UNC13C: variants seen among roughly 807,000 people sequenced by gnomAD.
UNC13C encodes the protein unc-13 homolog C, also known as protein unc-13 homolog C.
UNC13C carries 174 observed loss-of-function variants against 245.4 expected under a neutral mutation model. The observed-to-expected ratio is 0.71, with a 90% confidence interval of 0.63 to 0.80. The LOEUF (loss-of-function observed/expected upper bound fraction) is 0.80, where lower values mean the gene tolerates loss of function less well. UNC13C is among the 30% of genes least tolerant of loss of function. UNC13C has a pLI of 0.00. For synonymous variants in UNC13C, 992 were observed against 895.1 expected (o/e 1.11, Z -1.93); for missense variants, 2,829 against 2,602.9 (o/e 1.09, Z -1.89).
intron 25 of UNC13C, among the ~76,000 whole-genome samples, chr15:54,525,897 A>G (rs1012520215): frequency 2.0e-5 from 3 of 152,098 alleles, no homozygotes; most frequent in Admixed American, 6.5e-5. Context: ...TTACCTGTCT[A>G]TTTCCCACAC....
intron 2 of UNC13C, among the ~76,000 whole-genome samples, chr15:54,036,108 G>T (rs1259089767): frequency 6.6e-6 from 1 of 152,190 alleles, no homozygotes; most frequent in Admixed American, 6.5e-5. Context: ...GTCTCTGTCA[G>T]CCTTCAGTCT....
chr15:54,367,938 A>G (rs2039400819), intron 17 of UNC13C, among the ~76,000 whole-genome samples: 1 of 152,144 alleles, frequency 6.6e-6, no homozygotes, highest in African/African-American at 2.4e-5. Context: ...GCTAGTGGCT[A>G]CTGTATTGGA....
chr15:54,427,367 T>C (rs560310475), intron 19 of UNC13C, among the ~76,000 whole-genome samples: 3 of 151,806 alleles, frequency 2.0e-5, no homozygotes, highest in Non-Finnish European at 4.4e-5. Flanking sequence ...GCTTCCACCA[T>C]GTAAGAAGTG....
intron 30 of UNC13C, among the ~76,000 whole-genome samples, chr15:54,610,748 A>T (rs1900045339): frequency 6.6e-6 from 1 of 152,302 alleles, no homozygotes; most frequent in South Asian, 2.1e-4. Flanking sequence ...TAACTTACTC[A>T]AGGTCATCTA....
chr15:54,402,572 A>G (rs1043789331), intron 18 of UNC13C, among the ~76,000 whole-genome samples: 18 of 152,274 alleles, frequency 1.2e-4, no homozygotes, highest in East Asian at 9.7e-4. Flanking sequence ...TAATCATTAT[A>G]TAGGGAACCA....
chr15:54,126,301 A>T (rs1595885779), intron 2 of UNC13C, among the ~76,000 whole-genome samples: 1 of 152,196 alleles, frequency 6.6e-6, no homozygotes, highest in African/African-American at 2.4e-5. Context: ...GGCCATACAA[A>T]CATTAATCTA....
chr15:54,627,146 ATTGT>A lies in UNC13C; in HGVS notation c.*37_*40del, dbSNP rs1566948339. 4 of 1,571,558 alleles carry A rather than the reference ATTGT, an allele frequency of 2.5e-6. No individual in the cohort carries two copies. The highest frequency in any genetic ancestry group is 4.5e-5 in the East Asian group (2 of 44,446). ...ACTGCAAGCTAAATACATAACTATA[ATTGT>A]TTGACTACTGCATGCATGTGCAAAT... On this transcript the variant is annotated 3_prime_UTR_variant, in exon 33 of 33. Coordinates refer to ENST00000260323, the MANE Select transcript of UNC13C (RefSeq NM_001080534.3).
At chr15:54,391,929 C>G (rs979239559) in intron 17 of UNC13C, among the ~76,000 whole-genome samples, 1 of 152,016 alleles carries the variant, frequency 6.6e-6, no homozygotes, top group South Asian at 2.1e-4. Context: ...ACCATTCAGC[C>G]GAGAGGGTGG....
At chr15:54,121,107 G>A (rs2030636580) in intron 2 of UNC13C, among the ~76,000 whole-genome samples, 1 of 152,120 alleles carries the variant, frequency 6.6e-6, no homozygotes, top group African/African-American at 2.4e-5. Context: ...TCCTGCTGTG[G>A]GTGAAATGCT....
At chr15:54,590,684 G>A (rs75453926) in intron 30 of UNC13C, among the ~76,000 whole-genome samples, 2,498 of 152,242 alleles carry the variant, frequency 0.016, 60 homozygotes, top group African/African-American at 0.052. Flanking sequence ...AGTTGTATGC[G>A]CTTTCTGGAG....
At chr15:54,197,127 A>G (rs1208629173) in intron 4 of UNC13C, among the ~76,000 whole-genome samples, 1 of 152,182 alleles carries the variant, frequency 6.6e-6, no homozygotes, top group Non-Finnish European at 1.5e-5. Context: ...TTATTAGCAG[A>G]TGATATGTTC....
chr15:54,618,866 C>G (rs760614496), intron 30 of UNC13C, among the ~76,000 whole-genome samples: 3 of 151,898 alleles, frequency 2.0e-5, no homozygotes, highest in Non-Finnish European at 4.4e-5. Context: ...GGATAACTTA[C>G]GGAAAAAGTT....
the UNC13C span, among the ~76,000 whole-genome samples, chr15:53,883,570 A>G: frequency 1.3e-5 from 2 of 152,218 alleles, no homozygotes; most frequent in Non-Finnish European, 2.9e-5. Flanking sequence ...AAAGCAATCA[A>G]ATACATAAAT....
chr15:54,348,326 C>T (rs2038906158), intron 17 of UNC13C, among the ~76,000 whole-genome samples: 1 of 152,036 alleles, frequency 6.6e-6, no homozygotes, highest in Admixed American at 6.6e-5. Context: ...CCATCTTGTA[C>T]CATGTGGACA....
chr15:54,003,454 C>T (rs1398407463), intron 1 of UNC13C, among the ~76,000 whole-genome samples: 2 of 152,120 alleles, frequency 1.3e-5, no homozygotes, highest in Non-Finnish European at 2.9e-5. Flanking sequence ...ATTCAAGGTT[C>T]CTCAGTAGCT....
chr15:54,262,247 C>T (rs1051646918), intron 8 of UNC13C, among the ~76,000 whole-genome samples: 1 of 152,204 alleles, frequency 6.6e-6, no homozygotes, highest in Non-Finnish European at 1.5e-5. Flanking sequence ...GACTTTAGCA[C>T]TCCTTCCTAG....
At chr15:53,987,174 G>A (rs1412475834) in intron 1 of UNC13C, among the ~76,000 whole-genome samples, 2 of 151,918 alleles carry the variant, frequency 1.3e-5, no homozygotes, top group African/African-American at 2.4e-5. Flanking sequence ...CTAATTATTT[G>A]AAATTGATAA....
In UNC13C at chr15:54,264,273, T is replaced by C. The variant is rs2036498933; in HGVS notation, c.3554T>C (p.Val1185Ala). ...ATCAGGGAGAAAAACCGGCCAGAAG[T>C]ATTTGAAGTAATCCAGGAAATGTTT... ...MKIREKNRPE[V>A]FEVIQEMFQI... The change falls in exon 9 of 33, where the codon GTA (valine) becomes GCA (alanine). Residue 1185 changes from valine to alanine, a missense_variant. Transcript: ENST00000260323. 11 of 1,599,062 alleles carry C rather than the reference T, an allele frequency of 6.9e-6. No individual in the cohort carries two copies. The highest frequency in any genetic ancestry group is 9.4e-6 in the Non-Finnish European group (11 of 1,172,248).
chr15:54,403,674 ACT>A (rs1038038184), intron 18 of UNC13C, among the ~76,000 whole-genome samples: 3 of 137,060 alleles, frequency 2.2e-5, no homozygotes, highest in African/African-American at 8.2e-5. Flanking sequence ...CCAAGGCAAC[ACT>A]CTGAGCAATA....
Sources: allele counts gnomAD v4.1 joint callset (sites outside exome capture counted in the v4.1 genomes callset), GRCh38; gene constraint gnomAD v4.1.1; transcripts MANE v1.5; gene names NCBI Gene and HGNC (gene_info 2026-07-23, HGNC 2026-07-21).